Variants in GAS2L3 observed in about 807,000 individuals in gnomAD.
GAS2L3 encodes the protein growth arrest specific 2 like 3, also known as GAS2-like protein 3.
A neutral mutation model predicts 37.0 loss-of-function variants in GAS2L3; 28 were observed. The observed-to-expected ratio is 0.76, with a 90% CI of 0.56 to 1.04. The LOEUF is 1.04. Among genes scored for constraint, GAS2L3 ranks in the 50% least tolerant of loss-of-function variants. The probability of loss-of-function intolerance (pLI) is 0.00; values close to 1 mark genes in which losing one functional copy is unlikely to be tolerated. For missense variants in GAS2L3, 793 were observed against 817.6 expected, an observed-to-expected ratio of 0.97 and a Z score of 0.37; for synonymous variants, 290 against 296.6, an observed-to-expected ratio of 0.98 and a Z score of 0.23.
chr12:100,579,674 T>G, intron 1 of GAS2L3: 1 of 779,186 alleles, frequency 1.3e-6, no homozygotes, highest in East Asian at 2.4e-5. Context: ...CCTCCCTTAC[T>G]GAAGCATTCT....
rs74596555 is a variant in GAS2L3, at chr12:100,622,225, C to T, written c.649-50C>T. On this transcript the variant is annotated intron_variant, in intron 8 of 9. Coordinates refer to ENST00000547754, the MANE Select transcript of GAS2L3 (RefSeq NM_174942.3). Reference sequence around the variant, plus strand: ...CTATCAAATAATATTACACTTTAAACAAAATGCTTTTTGTGACAAGCACTA... The same window carrying T: ...CTATCAAATAATATTACACTTTAAATAAAATGCTTTTTGTGACAAGCACTA... The T allele has an allele frequency of 3.7e-3, 3,855 of 1,044,276 alleles. 105 individuals carry two copies. In the African/African-American group the frequency reaches 0.054, roughly 15 times the overall value. The allele number at this position is 1,044,276 out of a possible 1,614,324, so 64.7% of individuals were successfully genotyped here. A position where few individuals can be genotyped will look rare whatever the true frequency, so the allele number is the denominator to read the frequency against.
intron 6 of GAS2L3, among the ~76,000 whole-genome samples, chr12:100,616,419 T>G (rs1241824055): frequency 6.6e-6 from 1 of 150,840 alleles, no homozygotes; most frequent in Non-Finnish European, 1.5e-5. Flanking sequence ...CTGTTTTTTG[T>G]TTTTTTGTTT....
At chr12:100,582,848 T>G (rs1955730576) in intron 1 of GAS2L3, among the ~76,000 whole-genome samples, 1 of 152,138 alleles carries the variant, frequency 6.6e-6, no homozygotes, top group African/African-American at 2.4e-5. Context: ...AAGGGAGAGT[T>G]CTTTTCCTTT....
intron 1 of GAS2L3, chr12:100,578,904 AC>A: frequency 1.2e-6 from 1 of 867,128 alleles, no homozygotes; most frequent in Non-Finnish European, 1.9e-6. Flanking sequence ...AGCCACATTT[AC>A]CAGCTCCCTC....
rs547396888 is a variant in GAS2L3 at position 100,590,603 on chromosome 12, A to C, written c.-151-1133A>C. On this transcript the variant is annotated intron_variant, in intron 1 of 9. Coordinates refer to ENST00000547754, the MANE Select transcript of GAS2L3 (RefSeq NM_174942.3). The stretch of plus-strand genomic sequence containing the variant: ...GAGGAAAAGAAGTCATTCGAAAAAG[A>C]TACTTGCACATGCATGTTTATAGCA... Among the ~76,000 whole-genome samples, 30 of 152,348 alleles carry C rather than the reference A, an allele frequency of 2.0e-4. No individual in the cohort carries two copies. The East Asian group carries it at 4.8e-3, about 24-fold the overall frequency.
intron 1 of GAS2L3, among the ~76,000 whole-genome samples, chr12:100,575,281 C>T (rs950550381): frequency 4.6e-5 from 7 of 151,758 alleles, no homozygotes; most frequent in African/African-American, 1.7e-4. Flanking sequence ...AAGGTGAAGG[C>T]AGTACCAGAG....
chr12:100,590,484 A>T (rs1955832415), intron 1 of GAS2L3, among the ~76,000 whole-genome samples: 1 of 152,234 alleles, frequency 6.6e-6, no homozygotes, highest in African/African-American at 2.4e-5. Flanking sequence ...GTAAACTAGT[A>T]CAGATGCTGT....
intron 3 of GAS2L3, among the ~76,000 whole-genome samples, chr12:100,599,782 T>C (rs928871466): frequency 6.6e-6 from 1 of 152,240 alleles, no homozygotes; most frequent in Non-Finnish European, 1.5e-5. Flanking sequence ...GCTAGGATGT[T>C]AAGACTCTGG....
At chr12:100,597,381 A>C (rs1360154493) in intron 3 of GAS2L3, among the ~76,000 whole-genome samples, 3 of 152,096 alleles carry the variant, frequency 2.0e-5, no homozygotes, top group African/African-American at 7.2e-5. Context: ...CATTACACTG[A>C]GTCTCAGGAT....
In GAS2L3 at chr12:100,625,326, C is replaced by G. The variant is rs893673590; in HGVS notation, c.*436C>G. ...TGCATTTTGGTTAAAAAAAAAAAAGCAACAGTTTGGCACTTGTCCTACAAA... is the reference window on the plus strand; with the variant it reads ...TGCATTTTGGTTAAAAAAAAAAAAGGAACAGTTTGGCACTTGTCCTACAAA... On this transcript the variant is annotated 3_prime_UTR_variant, in exon 10 of 10. Coordinates refer to ENST00000547754, the MANE Select transcript of GAS2L3 (RefSeq NM_174942.3). 2.0e-5 allele frequency: 3 copies of G among 153,506 alleles called. No homozygotes were observed. The highest frequency in any genetic ancestry group is 4.3e-5 in the Non-Finnish European group (3 of 69,826). 9.5% of individuals were successfully genotyped at this position (153,506 alleles called of 1,614,324 possible).
Position 100,624,005 on chromosome 12 carries a change from C to T in GAS2L3, c.1200C>T (p.Asn400=), listed in dbSNP as rs750894787. Residue 400 remains asparagine, a synonymous_variant, in exon 10 of 10, where the codon AAC becomes AAT. Transcript: ENST00000547754. ...CGAAGAAACCGCAGGCTCCTTCAAACAATGCATCATCTTCACTTGCTTCAT... is the reference window on the plus strand; with the variant it reads ...CGAAGAAACCGCAGGCTCCTTCAAATAATGCATCATCTTCACTTGCTTCAT... ...GITKKPQAPS[N]NASSSLASLN... The T allele has an allele frequency of 6.2e-7, 1 of 1,613,984 alleles. No homozygotes were observed. The highest frequency in any genetic ancestry group is 1.3e-5 in the African/African-American group (1 of 74,914).
chr12:100,581,214 A>T (rs1237491214), intron 1 of GAS2L3, among the ~76,000 whole-genome samples: 3 of 152,178 alleles, frequency 2.0e-5, no homozygotes, highest in Non-Finnish European at 2.9e-5. Flanking sequence ...GGCCTTGCTG[A>T]TGTCTGATAA....
rs562520787 is a variant in GAS2L3, at chr12:100,593,840, A to G, written c.-30-1035A>G. 13 of 152,168 alleles carry G rather than the reference A, an allele frequency of 8.5e-5. 1 individual carries two copies. The East Asian group carries it at 1.9e-3, about 23-fold the overall frequency. The allele number at this position is 152,168 out of a possible 1,614,324, so 9.4% of individuals were successfully genotyped here. A position where few individuals can be genotyped will look rare whatever the true frequency, so the allele number is the denominator to read the frequency against. ...TTTTGCTGTGGTGGAGAGAAGGGAAAATGACATCAAAAAGGACATTCTGTT... is the reference window on the plus strand; with the variant it reads ...TTTTGCTGTGGTGGAGAGAAGGGAAGATGACATCAAAAAGGACATTCTGTT... On this transcript the variant is annotated intron_variant, in intron 2 of 9. Transcript: ENST00000547754.
At chr12:100,579,320 G>T (rs56147272) in intron 1 of GAS2L3, 3 of 656,904 alleles carry the variant, frequency 4.6e-6, no homozygotes, top group Admixed American at 4.8e-5. Flanking sequence ...GGAAAATACC[G>T]TACTACGAGC....
chr12:100,624,452 C>G lies in GAS2L3; in HGVS notation c.1647C>G (p.Val549=), dbSNP rs377035931. Residue 549 remains valine (V), a synonymous_variant, in exon 10 of 10, where the codon GTC becomes GTG. Coordinates refer to ENST00000547754, the MANE Select transcript of GAS2L3 (RefSeq NM_174942.3). The part of the protein sequence containing the change: ...PSDGAPQAKP[V]PAQKLKSALN... Reference sequence around the variant, plus strand: ...ATGGAGCCCCACAAGCAAAGCCAGTCCCAGCACAGAAACTTAAATCGGCCT... The same window carrying G: ...ATGGAGCCCCACAAGCAAAGCCAGTGCCAGCACAGAAACTTAAATCGGCCT... 3 of 1,613,904 alleles carry G rather than the reference C, an allele frequency of 1.9e-6. No homozygotes were observed. The African/African-American group carries it at 4.0e-5, about 22-fold the overall frequency.
Position 100,624,376 on chromosome 12 carries a change from C to A in GAS2L3, c.1571C>A (p.Thr524Asn), listed in dbSNP as rs758286634. 6.2e-7 allele frequency: 1 copy of A among 1,614,002 alleles called. No individual in the cohort carries two copies. The highest frequency in any genetic ancestry group is 1.1e-5 in the South Asian group (1 of 91,080). Residue 524 changes from threonine (T) to asparagine (N), a missense_variant, in exon 10 of 10, where the codon ACC becomes AAC. By Grantham distance (65) the Thr-to-Asn change is moderately conservative (BLOSUM62 0). Coordinates refer to ENST00000547754, the MANE Select transcript of GAS2L3 (RefSeq NM_174942.3). The part of the protein sequence containing the change: ...SFQSSAKMTK[T>N]SSKTIATGLG... ...CAGTCCTCTGCAAAAATGACAAAAA[C>A]CAGTTCCAAAACCATAGCCACGGGT...
intron 8 of GAS2L3, among the ~76,000 whole-genome samples, chr12:100,621,882 G>GAGAGAGAGAGAGAGAGAGAGAGA (rs1490640473): frequency 2.5e-5 from 2 of 81,298 alleles, no homozygotes; most frequent in East Asian, 8.8e-4. Context: ...GGTGGGGGGG[G>GAGAGAGAGAGAGAGAGAGAGAGA]GAGAGAGAGA....
chr12:100,606,766 A>G (rs1415806865), intron 5 of GAS2L3, among the ~76,000 whole-genome samples: 1 of 152,208 alleles, frequency 6.6e-6, no homozygotes, highest in Admixed American at 6.5e-5. Context: ...AAACTAATAA[A>G]AACTCTAACT....
At chr12:100,583,574 C>T (rs7297017) in intron 1 of GAS2L3, among the ~76,000 whole-genome samples, 7 of 152,132 alleles carry the variant, frequency 4.6e-5, no homozygotes, top group African/African-American at 1.2e-4. Flanking sequence ...CGGGTTCAAG[C>T]GATTCTCCTG....
Sources: allele counts gnomAD v4.1 joint callset (sites outside exome capture counted in the v4.1 genomes callset), GRCh38; gene constraint gnomAD v4.1.1; transcripts MANE v1.5; gene names NCBI Gene and HGNC (gene_info 2026-07-23, HGNC 2026-07-21).